Variants in MCTP2 observed in about 807,000 individuals in gnomAD.
MCTP2 encodes the protein multiple C2 and transmembrane domain containing 2, also known as multiple C2 and transmembrane domain-containing protein 2.
In MCTP2, 132 loss-of-function variants were observed where a neutral mutation model predicts 111.6. The observed-to-expected ratio is 1.18, with a 90% CI of 1.03 to 1.37. The LOEUF (loss-of-function observed/expected upper bound fraction) is 1.37. Ranked by LOEUF, MCTP2 falls within the 40% of genes most tolerant of loss-of-function variation. The probability of loss-of-function intolerance (pLI) is 0.00; values close to 1 mark genes in which losing one functional copy is unlikely to be tolerated. For synonymous variants in MCTP2, 395 were observed against 387.7 expected (o/e 1.02, Z -0.22); for missense variants, 1,183 against 1,067.9 (o/e 1.11, Z -1.50).
chr15:94,298,167 TG>T, intron 1 of MCTP2, 33 bp from the exon 2 acceptor site: 1 of 901,624 alleles, frequency 1.1e-6, no homozygotes, highest in Non-Finnish European at 1.6e-6. Flanking sequence ...TTTTTTTGTT[TG>T]TTTGTTTTTT....
At chr15:94,364,623 A>ACAAAAAG (rs1450008815) in intron 10 of MCTP2, among the ~76,000 whole-genome samples, 1 of 152,214 alleles carries the variant, frequency 6.6e-6, no homozygotes, top group East Asian at 1.9e-4. Flanking sequence ...AGAAAAAAAC[A>ACAAAAAG]CAAAAAGCCA....
chr15:94,392,677 A>C (rs150455914), intron 14 of MCTP2, among the ~76,000 whole-genome samples: 1 of 150,558 alleles, frequency 6.6e-6, no homozygotes, highest in African/African-American at 2.4e-5. Flanking sequence ...TTAGCTGGGC[A>C]TGGTGGCATG....
intron 19 of MCTP2, among the ~76,000 whole-genome samples, chr15:94,450,745 C>T (rs1310160476): frequency 6.6e-6 from 1 of 152,156 alleles, no homozygotes; most frequent in Non-Finnish European, 1.5e-5. Flanking sequence ...TTCTGTTCAT[C>T]CTGTGACAAA....
intron 1 of MCTP2, among the ~76,000 whole-genome samples, chr15:94,271,191 T>C (rs1032859358): frequency 6.6e-6 from 1 of 152,186 alleles, no homozygotes; most frequent in African/African-American, 2.4e-5. Context: ...TAAATCCAGA[T>C]GATGGAATTA....
intron 8 of MCTP2, among the ~76,000 whole-genome samples, chr15:94,346,154 G>A (rs1384654185): frequency 6.6e-6 from 1 of 152,144 alleles, no homozygotes; most frequent in African/African-American, 2.4e-5. Flanking sequence ...GAGAGAAACA[G>A]AGAATTTTAA....
At chr15:94,471,270 T>C (rs547605361) in intron 21 of MCTP2, among the ~76,000 whole-genome samples, 1 of 152,318 alleles carries the variant, frequency 6.6e-6, no homozygotes, top group East Asian at 1.9e-4. Context: ...CGATGAATTC[T>C]CAATGCTCGT....
chr15:94,277,473 A>G (rs1361620297), intron 1 of MCTP2, among the ~76,000 whole-genome samples: 1 of 152,210 alleles, frequency 6.6e-6, no homozygotes. Flanking sequence ...TCTAGACAAT[A>G]GAATATTATT....
chr15:94,280,565 C>G (rs908141727), intron 1 of MCTP2, among the ~76,000 whole-genome samples: 1 of 151,336 alleles, frequency 6.6e-6, no homozygotes, highest in African/African-American at 2.4e-5. Context: ...TTTCATTGAC[C>G]TTTTGTATGG....
chr15:94,476,447 GA>G, intron 21 of MCTP2: 2 of 272,694 alleles, frequency 7.3e-6, no homozygotes, highest in Non-Finnish European at 6.9e-6. Flanking sequence ...CTGCCTTCAG[GA>G]AAAGGCATTT....
At position 94,295,532 on chromosome 15, in the gene MCTP2, A is replaced by C. The variant is rs532223124; in HGVS notation, c.-65-2669A>C. Among the ~76,000 whole-genome samples the C allele has an allele frequency of 2.0e-5, 3 of 152,192 alleles. No individual in the cohort carries two copies. In the East Asian group the frequency reaches 5.8e-4, roughly 29 times the overall value. On this transcript the variant is annotated intron_variant, in intron 1 of 22. Coordinates refer to ENST00000357742, the MANE Select transcript of MCTP2 (RefSeq NM_001385001.1). ...TATGTTCAGGTATACTTTATTTCAC[A>C]CATGTGCTGAGTCTTCAGCAGCAGC...
chr15:94,291,967 T>TA (rs1329700377), intron 1 of MCTP2, among the ~76,000 whole-genome samples: 1 of 152,186 alleles, frequency 6.6e-6, no homozygotes, highest in Admixed American at 6.5e-5. Context: ...ACTTTATGTA[T>TA]AAAAACAGGT....
At chr15:94,273,183 C>T (rs1416186390) in intron 1 of MCTP2, among the ~76,000 whole-genome samples, 2 of 152,148 alleles carry the variant, frequency 1.3e-5, no homozygotes, top group East Asian at 3.8e-4. Flanking sequence ...ACTGATAGAA[C>T]AAGAAGATGA....
chr15:94,410,946 G>A (rs1477984521), intron 17 of MCTP2, among the ~76,000 whole-genome samples: 1 of 152,174 alleles, frequency 6.6e-6, no homozygotes, highest in African/African-American at 2.4e-5. Flanking sequence ...TCTTGATCCT[G>A]CCCATCCAGG....
chr15:94,342,483 C>T (rs140659493), intron 7 of MCTP2: 133 of 152,066 alleles, frequency 8.7e-4, no homozygotes, highest in African/African-American at 2.9e-3. Flanking sequence ...AATGTCTGTC[C>T]GCTCACTCAT....
intron 2 of MCTP2, among the ~76,000 whole-genome samples, chr15:94,313,414 A>G (rs568265452): frequency 5.9e-5 from 9 of 152,242 alleles, no homozygotes; most frequent in African/African-American, 1.9e-4. Flanking sequence ...AAATTGGGAA[A>G]CATAGGGGCC....
At chr15:94,370,651 A>G (rs2079434467) in intron 12 of MCTP2, among the ~76,000 whole-genome samples, 1 of 152,260 alleles carries the variant, frequency 6.6e-6, no homozygotes, top group South Asian at 2.1e-4. Flanking sequence ...TTTGCAGTTG[A>G]CATTGTCTTA....
chr15:94,480,890 AATT>A lies in MCTP2; in HGVS notation c.*1857_*1859del. ...CTTGTTTCCTCTGTAGCCCGATTGAAATTCTCAGTGTTAAGTTTAGGACCCAAA... is the reference window on the plus strand; with the variant it reads ...CTTGTTTCCTCTGTAGCCCGATTGAACTCAGTGTTAAGTTTAGGACCCAAA... On this transcript the variant is annotated 3_prime_UTR_variant, in exon 23 of 23. Coordinates refer to ENST00000357742, the MANE Select transcript of MCTP2 (RefSeq NM_001385001.1). The A allele has an allele frequency of 6.6e-6, 1 of 152,234 alleles. No homozygotes were observed. The highest frequency in any genetic ancestry group is 1.5e-5 in the Non-Finnish European group (1 of 68,034). 9.4% of individuals were successfully genotyped at this position (152,234 alleles called of 1,614,324 possible).
intron 12 of MCTP2, among the ~76,000 whole-genome samples, chr15:94,379,806 AATT>A (rs2080015992): frequency 7.1e-6 from 1 of 140,716 alleles, no homozygotes; most frequent in South Asian, 2.1e-4. Context: ...TGTAATATAT[AATT>A]ATATGACATA....
At chr15:94,243,357 AT>A (rs1858585629) in intron 1 of MCTP2, among the ~76,000 whole-genome samples, 2 of 147,962 alleles carry the variant, frequency 1.4e-5, no homozygotes, top group South Asian at 2.1e-4. Flanking sequence ...ATACATACGT[AT>A]GCGTATATGC....
Sources: allele counts gnomAD v4.1 joint callset (sites outside exome capture counted in the v4.1 genomes callset), GRCh38; gene constraint gnomAD v4.1.1; transcripts MANE v1.5; gene names NCBI Gene and HGNC (gene_info 2026-07-23, HGNC 2026-07-21).